SCML2: variants seen among roughly 807,000 people sequenced by gnomAD.
SCML2 encodes the protein sex comb on midleg-like protein 2.
Under a neutral mutation model 48.4 loss-of-function variants are expected in SCML2, and 6 were observed. That is an observed-to-expected ratio of 0.12 (90% CI 0.07 to 0.24). The LOEUF (loss-of-function observed/expected upper bound fraction) is 0.24, where lower values mean the gene tolerates loss of function less well. SCML2 is among the 10% of genes least tolerant of loss of function. The probability of loss-of-function intolerance (pLI) is 1.00; values close to 1 mark genes in which losing one functional copy is unlikely to be tolerated. For synonymous variants in SCML2, 181 were observed against 189.5 expected (o/e 0.95, Z 0.37); for missense variants, 377 against 528.2 (o/e 0.71, Z 2.81).
chrX:18,285,222 A>C (rs1388107907), intron 7 of SCML2, among the ~76,000 whole-genome samples: 1 of 110,687 alleles, frequency 9.0e-6, no homozygotes, highest in African/African-American at 3.3e-5. Flanking sequence ...AAAGGAAAAC[A>C]GATTATTATA....
intron 5 of SCML2, among the ~76,000 whole-genome samples, chrX:18,322,170 A>C (rs1055988223): frequency 8.9e-6 from 1 of 112,607 alleles, no homozygotes; most frequent in Admixed American, 9.4e-5. Flanking sequence ...ATGGAAGTTA[A>C]ACTATTCAAA....
intron 3 of SCML2, among the ~76,000 whole-genome samples, chrX:18,326,973 C>T (rs1929500204): frequency 9.0e-6 from 1 of 111,395 alleles, no homozygotes; most frequent in African/African-American, 3.3e-5. Flanking sequence ...AACCGAAATC[C>T]ACGGCTTCAA....
At chrX:18,265,116 C>A (rs1395559966) in intron 8 of SCML2, among the ~76,000 whole-genome samples, 1 of 112,017 alleles carries the variant, frequency 8.9e-6, no homozygotes, top group Non-Finnish European at 1.9e-5. Context: ...TCCCCTGCCA[C>A]CAGAATCTGT....
At chrX:18,243,711 A>T (rs923123372) in intron 13 of SCML2, among the ~76,000 whole-genome samples, 2 of 112,122 alleles carry the variant, frequency 1.8e-5, no homozygotes, top group African/African-American at 6.5e-5. Context: ...GAAACAATTT[A>T]AGTGCTCATA....
At chrX:18,337,982 G>A in intron 1 of SCML2, among the ~76,000 whole-genome samples, 1 of 112,040 alleles carries the variant, frequency 8.9e-6, no homozygotes, top group Non-Finnish European at 1.9e-5. Context: ...CAAATATTTG[G>A]AGATTAATCA....
chrX:18,308,490 T>C (rs1928839565), intron 6 of SCML2, among the ~76,000 whole-genome samples: 1 of 110,062 alleles, frequency 9.1e-6, no homozygotes, highest in African/African-American at 3.3e-5. Flanking sequence ...AAAAAACAAA[T>C]AACCTGATTT....
intron 7 of SCML2, among the ~76,000 whole-genome samples, chrX:18,300,484 C>T (rs184071997): frequency 3.8e-5 from 4 of 105,300 alleles, no homozygotes; most frequent in African/African-American, 1.4e-4. Context: ...ATAAAGCAGA[C>T]GTTAAGGTTA....
chrX:18,335,981 A>G (rs1441573235), intron 1 of SCML2, among the ~76,000 whole-genome samples: 1 of 112,182 alleles, frequency 8.9e-6, no homozygotes, highest in Non-Finnish European at 1.9e-5. Context: ...TTCAAGACAT[A>G]GTATAAGGCA....
At chrX:18,334,011 T>C (rs747866135) in intron 2 of SCML2, 39 bp downstream of exon 2, 16 of 1,136,905 alleles carry the variant, frequency 1.4e-5, no homozygotes, top group Non-Finnish European at 1.8e-5. Context: ...TCCAAATGAG[T>C]AACTAAAAAC....
At chrX:18,247,559 CA>C (rs1926493424) in intron 12 of SCML2, among the ~76,000 whole-genome samples, 1 of 111,546 alleles carries the variant, frequency 9.0e-6, no homozygotes. Context: ...AAGGTTATTA[CA>C]ATTTTTTTTT....
intron 6 of SCML2, among the ~76,000 whole-genome samples, chrX:18,318,956 TTAAAA>T (rs1929219473): frequency 8.9e-6 from 1 of 111,893 alleles, no homozygotes; most frequent in South Asian, 3.7e-4. Context: ...GGTAATTAAG[TTAAAA>T]TAAGGTTATT....
intron 1 of SCML2, chrX:18,341,103 C>T (rs1469002280): frequency 6.1e-6 from 1 of 163,891 alleles, no homozygotes; most frequent in Non-Finnish European, 1.2e-5. Flanking sequence ...GGCCTTGGGG[C>T]TGCCAGCAGG....
Position 18,247,627 on chromosome X carries a change from G to C in SCML2, c.1570+142C>G, listed in dbSNP as rs181703165. On this transcript the variant is annotated intron_variant, in intron 12 of 14. Transcript: ENST00000251900. ...TGAAGGGAATGAAGGGTTCAACAAA[G>C]CTGTCCAAGTAGTAGCCTAACTGCC... 7.8e-4 allele frequency: 313 copies of C among 401,670 alleles called. 1 individual carries two copies. The highest frequency in any genetic ancestry group is 7.2e-3 in the African/African-American group (286 of 39,822). 33.1% of individuals were successfully genotyped at this position (401,670 alleles called of 1,213,427 possible).
At chrX:18,333,213 A>C (rs1207972451) in intron 2 of SCML2, among the ~76,000 whole-genome samples, 1 of 110,438 alleles carries the variant, frequency 9.1e-6, no homozygotes, top group Non-Finnish European at 1.9e-5. Context: ...GGAGGCAGAG[A>C]TTGCAATGAG....
At chrX:18,257,919 G>A (rs1266197855) in intron 10 of SCML2, 125 bp downstream of exon 10, 4 of 430,508 alleles carry the variant, frequency 9.3e-6, no homozygotes, top group Non-Finnish European at 1.6e-5. Context: ...AGAAAGGGCG[G>A]GGGAGGGGGA....
At chrX:18,242,873 A>T (rs1230612016) in intron 13 of SCML2, among the ~76,000 whole-genome samples, 2 of 111,994 alleles carry the variant, frequency 1.8e-5, no homozygotes, top group Non-Finnish European at 3.8e-5. Context: ...CTCTTTGGCC[A>T]CAGACAAATA....
In SCML2 at chrX:18,256,934, T is replaced by C. The variant is rs201570126; in HGVS notation, c.1370A>G (p.Gln457Arg). 364 of 1,206,708 alleles carry C rather than the reference T, an allele frequency of 3.0e-4. 2 individuals are homozygous for C. In the Middle Eastern group the frequency reaches 3.5e-3, roughly 11 times the overall value. ...CTGGCTACTCAAAAGGTTATCACAC[T>C]GCAGACTGTGGCAGAAGTTCTCAAG... ...RFLENFCHSL[Q>R]CDNLLSSQPF... The change falls in exon 11 of 15, where the codon CAG becomes CGG. Residue 457 changes from glutamine to arginine, a missense_variant. Physicochemically the swap from Gln to Arg is conservative, Grantham distance 43. Coordinates refer to ENST00000251900, the MANE Select transcript of SCML2 (RefSeq NM_006089.3).
At chrX:18,334,771 A>G (rs1283358594) in intron 1 of SCML2, among the ~76,000 whole-genome samples, 2 of 112,274 alleles carry the variant, frequency 1.8e-5, no homozygotes, top group Non-Finnish European at 3.8e-5. Context: ...ACAAAACACA[A>G]TATAAGTGCT....
chrX:18,332,723 C>T (rs1040982444), intron 2 of SCML2, among the ~76,000 whole-genome samples: 2 of 111,323 alleles, frequency 1.8e-5, no homozygotes, highest in African/African-American at 6.5e-5. Flanking sequence ...ACCTGTAATC[C>T]CACCACTTTG....
Sources: gnomAD v4.1 joint callset for allele counts (sites outside exome capture counted in the v4.1 genomes callset) on GRCh38, gnomAD v4.1.1 for gene constraint, MANE v1.5 for transcripts, NCBI Gene and HGNC (gene_info 2026-07-23, HGNC 2026-07-21) for gene names.